The following SNX30 variants were observed in gnomAD, a reference collection of about 807,000 sequenced individuals.
The protein encoded by SNX30 is sorting nexin-30.
SNX30 carries 24 observed loss-of-function variants against 46.4 expected under a neutral mutation model. That is an observed-to-expected ratio of 0.52 (90% CI 0.37 to 0.73). The LOEUF (loss-of-function observed/expected upper bound fraction) is 0.73. Ranked by LOEUF, SNX30 falls within the 30% of genes least tolerant of loss-of-function variation. The pLI is 0.00. For missense variants in SNX30, 533 were observed against 555.7 expected, an observed-to-expected ratio of 0.96 and a Z score of 0.41; for synonymous variants, 189 against 211.5, an observed-to-expected ratio of 0.89 and a Z score of 0.92.
At chr9:112,857,817 T>C (rs1008448487) in intron 7 of SNX30, among the ~76,000 whole-genome samples, 2 of 146,784 alleles carry the variant, frequency 1.4e-5, no homozygotes, top group South Asian at 2.1e-4. Flanking sequence ...TCCATCTATC[T>C]ATTTATTTAT....
intron 5 of SNX30, among the ~76,000 whole-genome samples, chr9:112,838,052 G>A (rs770142444): frequency 1.6e-4 from 24 of 150,986 alleles, no homozygotes; most frequent in Non-Finnish European, 2.8e-4. Context: ...CACCACACCC[G>A]GCTAATTTTT....
At chr9:112,795,861 G>C (rs1029840029) in intron 1 of SNX30, among the ~76,000 whole-genome samples, 3 of 152,056 alleles carry the variant, frequency 2.0e-5, no homozygotes, top group Non-Finnish European at 4.4e-5. Flanking sequence ...GGATAAGTTT[G>C]ATATATAAAT....
At chr9:112,767,342 C>T (rs1348220692) in intron 1 of SNX30, among the ~76,000 whole-genome samples, 2 of 152,186 alleles carry the variant, frequency 1.3e-5, no homozygotes, top group South Asian at 2.1e-4. Context: ...GTATTAGCCC[C>T]TTCTCAGATA....
At chr9:112,778,765 G>A (rs371838428) in intron 1 of SNX30, among the ~76,000 whole-genome samples, 1 of 152,188 alleles carries the variant, frequency 6.6e-6, no homozygotes, top group Non-Finnish European at 1.5e-5. Flanking sequence ...TAGAATAACA[G>A]CTACCAGGTC....
chr9:112,857,809 CATCTATCT>C (rs796770866), intron 7 of SNX30, among the ~76,000 whole-genome samples: 2 of 151,592 alleles, frequency 1.3e-5, no homozygotes, highest in Admixed American at 6.6e-5. Context: ...TCCATCCATC[CATCTATCT>C]ATTTATTTAT....
rs546696027 is a variant in SNX30 at position 112,837,197 on chromosome 9, G to GA, written c.814+795dup. 2.4e-4 allele frequency among the ~76,000 whole-genome samples: 36 copies of GA among 152,008 alleles called. 1 individual carries two copies. In the South Asian group the frequency reaches 5.2e-3, roughly 22 times the overall value. On this transcript the variant is annotated intron_variant, in intron 5 of 8. Transcript: ENST00000374232. ...GATGGGCCAGATTTTCTTTACGGGG[G>GA]AAAAAAATCAACATTTTTTTTTTCT...
downstream of SNX30, among the ~76,000 whole-genome samples, chr9:112,882,200 G>C (rs1195839970): frequency 6.6e-6 from 1 of 152,150 alleles, no homozygotes; most frequent in Non-Finnish European, 1.5e-5. Context: ...TCAACCTCCT[G>C]GGCTCAAGCA....
downstream of SNX30, among the ~76,000 whole-genome samples, chr9:112,884,484 A>G (rs1290643188): frequency 6.6e-6 from 1 of 152,210 alleles, no homozygotes; most frequent in Admixed American, 6.5e-5. Context: ...AAAGTAATGG[A>G]AACACTCCCT....
intron 6 of SNX30, 109 bp downstream of exon 6, chr9:112,838,806 G>A: frequency 1.9e-6 from 2 of 1,052,684 alleles, no homozygotes; most frequent in South Asian, 3.0e-5. Flanking sequence ...CCTTCTTCCT[G>A]GGTGGGCAGG....
Position 112,774,501 on chromosome 9 carries a change from A to G in SNX30, c.156+23344A>G, listed in dbSNP as rs1344789117. 2.6e-5 allele frequency among the ~76,000 whole-genome samples: 4 copies of G among 152,234 alleles called. No individual in the cohort carries two copies. The East Asian group carries it at 7.7e-4, about 29-fold the overall frequency. ...GAAAGACACAAATAAAGCTGCCGTG[A>G]TCATTCATGTGCAAGTCTTTGGTTG... is the stretch of plus-strand genomic sequence containing the variant. On this transcript the variant is annotated intron_variant, in intron 1 of 8. Transcript: ENST00000374232.
rs997949396 is a variant in SNX30, at chr9:112,805,831, G to A, written c.348+864G>A. Among the ~76,000 whole-genome samples the A allele has an allele frequency of 3.3e-5, 5 of 152,252 alleles. No homozygotes were observed. In the South Asian group the frequency reaches 1.0e-3, roughly 32 times the overall value. On this transcript the variant is annotated intron_variant, in intron 2 of 8. Transcript: ENST00000374232. ...ACAATTTTTCAGATGAAGAAATAGA[G>A]GTGGAAAGTTCAAATAACTCGCTCA...
rs56856142 is a variant in SNX30, at chr9:112,817,401, C to CTTTTTTTT, written c.349-281_349-274dup. 6.2e-3 allele frequency among the ~76,000 whole-genome samples: 289 copies of CTTTTTTTT among 46,832 alleles called. 83 individuals carry two copies. The highest frequency in any genetic ancestry group is 0.024 in the Middle Eastern group (1 of 42). The allele number at this position is 46,832 out of a possible 152,430, so 30.7% of individuals were successfully genotyped here. On this transcript the variant is annotated intron_variant, in intron 2 of 8. Transcript: ENST00000374232. The stretch of plus-strand genomic sequence containing the variant: ...CGGTAGGGAAAAAAAAAAAAACTGG[C>CTTTTTTTT]TTTTTTTTTTTTTTTTTTTTTTTTT...
At chr9:112,850,837 T>C in intron 6 of SNX30, 22 bp from the exon 7 acceptor site, 1 of 1,598,726 alleles carries the variant, frequency 6.3e-7, no homozygotes, top group Non-Finnish European at 8.6e-7. Flanking sequence ...TGTTACATGC[T>C]TCTCTCCTCT....
intron 1 of SNX30, among the ~76,000 whole-genome samples, chr9:112,789,434 A>G (rs1421901769): frequency 6.6e-6 from 1 of 152,160 alleles, no homozygotes; most frequent in Non-Finnish European, 1.5e-5. Flanking sequence ...CATAGCCACT[A>G]TTGCATTGCA....
intron 3 of SNX30, among the ~76,000 whole-genome samples, chr9:112,821,749 G>C (rs1240104258): frequency 6.6e-6 from 1 of 151,840 alleles, no homozygotes; most frequent in Non-Finnish European, 1.5e-5. Flanking sequence ...GCTTCCCAAA[G>C]TGCTGGGATT....
At chr9:112,810,028 G>A (rs536709736) in intron 2 of SNX30, among the ~76,000 whole-genome samples, 3 of 152,276 alleles carry the variant, frequency 2.0e-5, no homozygotes, top group South Asian at 2.1e-4. Context: ...CCGAAGGGGC[G>A]GTGTACTTTT....
chr9:112,815,869 G>T (rs1023930939), intron 2 of SNX30, among the ~76,000 whole-genome samples: 2 of 152,068 alleles, frequency 1.3e-5, no homozygotes, highest in African/African-American at 4.8e-5. Context: ...TTGAGACAAG[G>T]TCTCACTCTG....
intron 3 of SNX30, among the ~76,000 whole-genome samples, chr9:112,823,202 A>G (rs992883602): frequency 2.0e-5 from 3 of 152,208 alleles, no homozygotes; most frequent in African/African-American, 4.8e-5. Flanking sequence ...TATATAGGAA[A>G]AACATAGTAT....
At chr9:112,772,028 T>C (rs926455846) in intron 1 of SNX30, among the ~76,000 whole-genome samples, 4 of 152,196 alleles carry the variant, frequency 2.6e-5, no homozygotes, top group African/African-American at 9.7e-5. Context: ...GTCCAGACTT[T>C]ATTGGACCCC....
Sources: gnomAD v4.1 joint callset for allele counts (sites outside exome capture counted in the v4.1 genomes callset) on GRCh38, gnomAD v4.1.1 for gene constraint, MANE v1.5 for transcripts, NCBI Gene and HGNC (gene_info 2026-07-23, HGNC 2026-07-21) for gene names.